The following CTDSPL2 variants were observed in gnomAD, a reference collection of about 807,000 sequenced individuals.
The protein encoded by CTDSPL2 is CTD small phosphatase like 2.
Under a neutral mutation model 60.0 loss-of-function variants are expected in CTDSPL2, and 5 were observed. The observed-to-expected ratio is 0.08, with a 90% CI of 0.04 to 0.18. The LOEUF is 0.18. CTDSPL2 is among the 10% of genes least tolerant of loss of function. The pLI is 1.00. For missense variants in CTDSPL2, 370 were observed against 548.8 expected (o/e 0.67, Z 3.26); for synonymous variants, 186 against 189.3 (o/e 0.98, Z 0.14).
chr15:44,497,252 C>A, intron 7 of CTDSPL2, 114 bp downstream of exon 7: 3 of 584,052 alleles, frequency 5.1e-6, no homozygotes, highest in Non-Finnish European at 6.0e-6. Flanking sequence ...CCTGAAGGAC[C>A]AAAAATAATT....
At chr15:44,460,977 C>A (rs2080554604) in intron 2 of CTDSPL2, among the ~76,000 whole-genome samples, 1 of 151,918 alleles carries the variant, frequency 6.6e-6, no homozygotes, top group East Asian at 1.9e-4. Context: ...TCATCTTTTG[C>A]TTTCTCATGT....
At chr15:44,504,417 C>A (rs2081426125) in intron 8 of CTDSPL2, among the ~76,000 whole-genome samples, 4 of 152,104 alleles carry the variant, frequency 2.6e-5, no homozygotes, top group Admixed American at 1.3e-4. Flanking sequence ...ACAGTCTTTT[C>A]TAGAAAAGTC....
intron 8 of CTDSPL2, among the ~76,000 whole-genome samples, chr15:44,502,443 T>C (rs1299281547): frequency 6.6e-6 from 1 of 152,186 alleles, no homozygotes; most frequent in African/African-American, 2.4e-5. Flanking sequence ...ATTATATATG[T>C]TTTAATAATT....
At position 44,528,701 on chromosome 15, in the gene CTDSPL2, T is replaced by C. The variant is rs2081905453; in HGVS notation, c.*4527T>C. On this transcript the variant is annotated 3_prime_UTR_variant, in exon 13 of 13. Transcript: ENST00000260327. ...GACATGTCCCTGAATGAGACCATTA[T>C]ATATATTATCTGTAAAATATTTCAC... The C allele has an allele frequency of 6.6e-6, 1 of 152,156 alleles. No individual in the cohort carries two copies. Among genetic ancestry groups the C allele is most frequent in the Non-Finnish European group, 1.5e-5 (1 of 68,012 alleles). 9.4% of individuals were successfully genotyped at this position (152,156 alleles called of 1,614,324 possible).
chr15:44,521,553 GC>G, intron 12 of CTDSPL2, 147 bp downstream of exon 12: 1 of 483,806 alleles, frequency 2.1e-6, no homozygotes, highest in Non-Finnish European at 3.6e-6. Flanking sequence ...CGCCTGTAGT[GC>G]CAGCTACTTT....
intron 1 of CTDSPL2, among the ~76,000 whole-genome samples, chr15:44,455,874 C>T (rs1222609504): frequency 1.5e-3 from 141 of 91,846 alleles, no homozygotes; most frequent in Non-Finnish European, 1.8e-3. Context: ...TTTTTTGAGA[C>T]GGAGTCTCGC....
intron 1 of CTDSPL2, among the ~76,000 whole-genome samples, chr15:44,453,888 G>A (rs1348881963): frequency 1.1e-4 from 17 of 152,090 alleles, no homozygotes; most frequent in South Asian, 4.1e-4. Flanking sequence ...GTAAACATAC[G>A]TGTGCATGTG....
chr15:44,496,706 C>T (rs1340648563), intron 6 of CTDSPL2, among the ~76,000 whole-genome samples: 1 of 152,028 alleles, frequency 6.6e-6, no homozygotes, highest in Non-Finnish European at 1.5e-5. Flanking sequence ...ATAAAAAATA[C>T]AGAAATTGGC....
intron 1 of CTDSPL2, chr15:44,448,795 G>C: frequency 2.9e-6 from 1 of 348,176 alleles, no homozygotes; most frequent in Non-Finnish European, 5.6e-6. Flanking sequence ...GGGAAGCTGC[G>C]GACGCTTAGG....
chr15:44,482,095 C>T (rs1048360553), intron 2 of CTDSPL2, among the ~76,000 whole-genome samples: 2 of 152,128 alleles, frequency 1.3e-5, no homozygotes, highest in African/African-American at 4.8e-5. Context: ...AGCATTCCAG[C>T]CCTCTTAGCT....
At chr15:44,505,130 A>G (rs559828305) in intron 8 of CTDSPL2, among the ~76,000 whole-genome samples, 8 of 152,150 alleles carry the variant, frequency 5.3e-5, no homozygotes, top group Non-Finnish European at 1.2e-4. Flanking sequence ...ATTAGGAGCA[A>G]TTCATTAAAA....
At chr15:44,520,151 T>G (rs1243275778) in intron 11 of CTDSPL2, 2 of 149,016 alleles carry the variant, frequency 1.3e-5, no homozygotes, top group Non-Finnish European at 3.0e-5. Flanking sequence ...TTTTTTTGTT[T>G]TCCTTTTTTT....
intron 1 of CTDSPL2, among the ~76,000 whole-genome samples, chr15:44,434,052 T>C (rs2079920025): frequency 6.6e-6 from 1 of 151,980 alleles, no homozygotes. Context: ...AGATTGATAA[T>C]GGTTTTAGAA....
At chr15:44,445,236 G>A (rs2080185741) in intron 1 of CTDSPL2, among the ~76,000 whole-genome samples, 1 of 151,370 alleles carries the variant, frequency 6.6e-6, no homozygotes, top group Non-Finnish European at 1.5e-5. Flanking sequence ...TGCCCTGTCT[G>A]CAGTGCAGTG....
chr15:44,504,475 A>G (rs1054293688), intron 8 of CTDSPL2, among the ~76,000 whole-genome samples: 2 of 152,204 alleles, frequency 1.3e-5, no homozygotes, highest in Admixed American at 6.5e-5. Flanking sequence ...ATTTAAATTT[A>G]TAATTTTGTA....
At chr15:44,495,945 C>CA (rs898039092) in intron 5 of CTDSPL2, among the ~76,000 whole-genome samples, 2 of 151,798 alleles carry the variant, frequency 1.3e-5, no homozygotes, top group Non-Finnish European at 2.9e-5. Flanking sequence ...AAAAAAAACA[C>CA]AAAAAACCTA....
chr15:44,477,050 C>G (rs1338544850), intron 2 of CTDSPL2, among the ~76,000 whole-genome samples: 1 of 152,136 alleles, frequency 6.6e-6, no homozygotes, highest in East Asian at 1.9e-4. Flanking sequence ...ATAGTAAGAC[C>G]TCGTCTTTTC....
chr15:44,459,894 G>C (rs193214637), intron 2 of CTDSPL2, among the ~76,000 whole-genome samples: 1 of 152,194 alleles, frequency 6.6e-6, no homozygotes, highest in Non-Finnish European at 1.5e-5. Context: ...TCGTTAAAGA[G>C]AAAAGAACAT....
At chr15:44,471,579 T>G (rs1328174131) in intron 2 of CTDSPL2, among the ~76,000 whole-genome samples, 1 of 152,178 alleles carries the variant, frequency 6.6e-6, no homozygotes, top group Non-Finnish European at 1.5e-5. Context: ...TCTACTATCT[T>G]AGAAAACTTT....
Sources: gnomAD v4.1 joint callset for allele counts (sites outside exome capture counted in the v4.1 genomes callset) on GRCh38, gnomAD v4.1.1 for gene constraint, MANE v1.5 for transcripts, NCBI Gene and HGNC (gene_info 2026-07-23, HGNC 2026-07-21) for gene names.